Variants in RASEF observed in about 807,000 individuals in gnomAD.
RASEF encodes the protein ras and EF-hand domain-containing protein.
Under a neutral mutation model 90.1 loss-of-function variants are expected in RASEF, and 68 were observed. The ratio of observed to expected loss-of-function variants is 0.75; its 90% CI spans 0.62 to 0.92. The LOEUF (loss-of-function observed/expected upper bound fraction) is 0.92. Among genes scored for constraint, RASEF ranks in the 40% least tolerant of loss-of-function variants. The pLI, the probability that RASEF is intolerant of heterozygous loss-of-function variation, is 0.00. For synonymous variants in RASEF, 331 were observed against 345.2 expected (o/e 0.96, Z 0.46); for missense variants, 949 against 937.2 (o/e 1.01, Z -0.16).
chr9:83,044,762 G>A (rs10867930), intron 1 of RASEF, among the ~76,000 whole-genome samples: 95,801 of 152,040 alleles, frequency 0.63, 31,015 homozygotes, highest in East Asian at 0.79. Context: ...TCTAGGCCAC[G>A]GTAGCCAGAT....
chr9:83,203,960 T>G, the RASEF span, among the ~76,000 whole-genome samples: 1 of 152,174 alleles, frequency 6.6e-6, no homozygotes, highest in Non-Finnish European at 1.5e-5. Context: ...CATTCAAAGA[T>G]GTTTGAAAAA....
At chr9:83,176,682 T>A in the RASEF span, among the ~76,000 whole-genome samples, 1 of 152,000 alleles carries the variant, frequency 6.6e-6, no homozygotes, top group African/African-American at 2.4e-5. Flanking sequence ...GCCATATAAA[T>A]CTTAACTTAT....
At chr9:83,118,946 A>G in the RASEF span, among the ~76,000 whole-genome samples, 1 of 152,124 alleles carries the variant, frequency 6.6e-6, no homozygotes, top group Non-Finnish European at 1.5e-5. Context: ...CGTCTTACAA[A>G]ATTATATCAG....
chr9:83,190,990 T>TAGTG, the RASEF span, among the ~76,000 whole-genome samples: 1 of 152,330 alleles, frequency 6.6e-6, no homozygotes, highest in South Asian at 2.1e-4. Flanking sequence ...ATTATTCACT[T>TAGTG]AGTGCATGGC....
At chr9:83,079,468 C>T in the RASEF span, among the ~76,000 whole-genome samples, 5 of 152,062 alleles carry the variant, frequency 3.3e-5, no homozygotes, top group Admixed American at 6.6e-5. Context: ...AGTTTGAAGT[C>T]GGGTGATACC....
chr9:83,043,902 C>T (rs1030403364), intron 1 of RASEF, among the ~76,000 whole-genome samples: 2 of 152,142 alleles, frequency 1.3e-5, no homozygotes, highest in African/African-American at 2.4e-5. Context: ...CTTCTAGAAA[C>T]GCCCTTGACT....
At chr9:83,177,771 T>C in the RASEF span, among the ~76,000 whole-genome samples, 1 of 152,140 alleles carries the variant, frequency 6.6e-6, no homozygotes, top group African/African-American at 2.4e-5. Context: ...GCTTCTTGGA[T>C]ATGAGATGAA....
the RASEF span, among the ~76,000 whole-genome samples, chr9:83,070,733 T>TTAA: frequency 1.3e-5 from 2 of 152,156 alleles, no homozygotes; most frequent in African/African-American, 4.8e-5. Context: ...AACTGATATC[T>TTAA]TAATAATATT....
At chr9:83,038,535 A>G (rs1416494771) in intron 1 of RASEF, among the ~76,000 whole-genome samples, 1 of 152,180 alleles carries the variant, frequency 6.6e-6, no homozygotes, top group Non-Finnish European at 1.5e-5. Context: ...AAGTACCACT[A>G]ATTCTGGCAT....
the RASEF span, among the ~76,000 whole-genome samples, chr9:83,110,676 C>A: frequency 1.3e-5 from 2 of 152,014 alleles, no homozygotes; most frequent in Admixed American, 6.6e-5. Flanking sequence ...ATGTTCACCC[C>A]AAAAAGGGAG....
the RASEF span, among the ~76,000 whole-genome samples, chr9:83,210,071 A>T: frequency 6.6e-6 from 1 of 152,214 alleles, no homozygotes; most frequent in African/African-American, 2.4e-5. Context: ...TCTGGAAGTA[A>T]CAGATATTTG....
At position 82,981,998 on chromosome 9, in the gene RASEF, C is replaced by T. The variant is rs145345028; in HGVS notation, c.*679G>A. The T allele has an allele frequency of 5.3e-5, 8 of 152,218 alleles. No homozygotes were observed. In the East Asian group the frequency reaches 1.5e-3, roughly 29 times the overall value. The allele number at this position is 152,218 out of a possible 1,614,324, so 9.4% of individuals were successfully genotyped here. On this transcript the variant is annotated 3_prime_UTR_variant, in exon 17 of 17. Transcript: ENST00000376447. ...CATAAAAAATAGATATTTCTGTTTC[C>T]ATTTTTTAATCAAATTCTGTCCTTA...
chr9:83,065,620 T>A (rs1830276601), upstream of RASEF, among the ~76,000 whole-genome samples: 1 of 152,326 alleles, frequency 6.6e-6, no homozygotes, highest in East Asian at 1.9e-4. Context: ...ATGTACTTCA[T>A]TGGAGGCTCT....
At chr9:83,087,185 T>C in the RASEF span, among the ~76,000 whole-genome samples, 1 of 152,160 alleles carries the variant, frequency 6.6e-6, no homozygotes, top group Non-Finnish European at 1.5e-5. Flanking sequence ...GTAGGGACAT[T>C]GAAGACAAAA....
chr9:83,178,076 GTTTGT>G, the RASEF span, among the ~76,000 whole-genome samples: 3 of 152,022 alleles, frequency 2.0e-5, no homozygotes, highest in South Asian at 2.1e-4. Flanking sequence ...TTTTTTGTTG[GTTTGT>G]TTTGTTTTTT....
chr9:83,146,217 C>G, the RASEF span, among the ~76,000 whole-genome samples: 2 of 151,632 alleles, frequency 1.3e-5, no homozygotes, highest in Non-Finnish European at 2.9e-5. Context: ...CAATCACCAG[C>G]AATTCAGTTA....
chr9:83,163,489 T>A, the RASEF span, among the ~76,000 whole-genome samples: 3 of 152,258 alleles, frequency 2.0e-5, no homozygotes, highest in East Asian at 5.8e-4. Flanking sequence ...GTAGACAGCA[T>A]GCAAGAACCA....
chr9:83,110,522 T>A, the RASEF span, among the ~76,000 whole-genome samples: 4 of 152,102 alleles, frequency 2.6e-5, no homozygotes, highest in Admixed American at 6.6e-5. Context: ...TAACTTAGAA[T>A]GAAAAGGTGG....
the RASEF span, among the ~76,000 whole-genome samples, chr9:83,154,698 T>C: frequency 6.6e-6 from 1 of 152,188 alleles, no homozygotes; most frequent in Non-Finnish European, 1.5e-5. Context: ...ATATCCTTGC[T>C]CACAATCCAA....
Sources: gnomAD v4.1 joint callset for allele counts (sites outside exome capture counted in the v4.1 genomes callset) on GRCh38, gnomAD v4.1.1 for gene constraint, MANE v1.5 for transcripts, NCBI Gene and HGNC (gene_info 2026-07-23, HGNC 2026-07-21) for gene names.